RHD: variants seen among roughly 807,000 people sequenced by gnomAD.
The protein encoded by RHD is Rh blood group D antigen, also known as blood group Rh(D) polypeptide.
RHD carries 16 observed loss-of-function variants against 45.5 expected under a neutral mutation model. The ratio of observed to expected loss-of-function variants is 0.35; its 90% confidence interval spans 0.24 to 0.53. The LOEUF is 0.53. Ranked by LOEUF, RHD falls within the 20% of genes least tolerant of loss-of-function variation. The probability of loss-of-function intolerance (pLI) is 0.92; values close to 1 mark genes in which losing one functional copy is unlikely to be tolerated. For missense variants in RHD, 306 were observed against 532.0 expected, an observed-to-expected ratio of 0.58 and a Z score of 4.18; for synonymous variants, 131 against 217.5, an observed-to-expected ratio of 0.60 and a Z score of 3.50.
Position 25,289,840 on chromosome 1 carries a change from AT to A in RHD, c.336-800del, listed in dbSNP as rs1642339258. ...ATAAGTACATTTTTTTTTTTTTTGG[AT>A]CATAAGTATCTTCAAGACCAAAATA... On this transcript the variant is annotated intron_variant, in intron 2 of 9. Transcript: ENST00000328664. Among the ~76,000 whole-genome samples the A allele has an allele frequency of 2.6e-5, 3 of 114,446 alleles. No homozygotes were observed. In the East Asian group the frequency reaches 6.4e-4, roughly 24 times the overall value. The allele number at this position is 114,446 out of a possible 152,430, so 75.1% of individuals were successfully genotyped here.
intron 8 of RHD, among the ~76,000 whole-genome samples, chr1:25,320,033 G>A (rs548413424): frequency 7.6e-6 from 1 of 131,272 alleles, no homozygotes; most frequent in African/African-American, 2.6e-5. Context: ...CGAGTAGCTG[G>A]GATTACAGGC....
rs183302317 is a variant in RHD at position 25,273,014 on chromosome 1, C to T, written c.148+319C>T. The stretch of plus-strand genomic sequence containing the variant: ...TGCTTCTCTGCTTCCCCTTCTCTCT[C>T]CTCAGTGGCAAGGAATTTTTTTATT... On this transcript the variant is annotated intron_variant, in intron 1 of 9. Transcript: ENST00000328664. Among the ~76,000 whole-genome samples, 88 of 132,482 alleles carry T rather than the reference C, an allele frequency of 6.6e-4. 23 individuals are homozygous for T. The highest frequency in any genetic ancestry group is 1.5e-3 in the Non-Finnish European group (82 of 55,876). 86.9% of individuals were successfully genotyped at this position (132,482 alleles called of 152,430 possible).
chr1:25,284,377 C>G (rs1330795459), intron 1 of RHD, among the ~76,000 whole-genome samples, 196 bp from the exon 2 acceptor site: 1 of 135,608 alleles, frequency 7.4e-6, no homozygotes, highest in East Asian at 1.9e-4. Flanking sequence ...TATCTTATCC[C>G]CACACGGCAT....
At chr1:25,296,661 GT>G (rs1168490989) in intron 3 of RHD, among the ~76,000 whole-genome samples, 1 of 130,940 alleles carries the variant, frequency 7.6e-6, no homozygotes, top group Non-Finnish European at 1.8e-5. Flanking sequence ...CACAGGGGTG[GT>G]TTCCCCCATG....
intron 7 of RHD, among the ~76,000 whole-genome samples, chr1:25,316,058 A>G (rs28453868): frequency 0.93 from 120,291 of 129,662 alleles, 57,630 homozygotes; most frequent in East Asian, 1. Flanking sequence ...CTGGCTTGTT[A>G]TGTACAACTA....
In RHD at chr1:25,303,474, A is replaced by C; in HGVS notation, c.939+15A>C. Reference sequence around the variant, plus strand: ...AGTACCTGCCGGTAAGAAACTAGACAACTAACCTCCTCTGCTTTGGCTGAA... The same window carrying C: ...AGTACCTGCCGGTAAGAAACTAGACCACTAACCTCCTCTGCTTTGGCTGAA... On this transcript the variant is annotated intron_variant, in intron 6 of 9. Coordinates refer to ENST00000328664, the MANE Select transcript of RHD (RefSeq NM_016124.6). 1.5e-6 allele frequency: 2 copies of C among 1,378,370 alleles called. 1 individual carries two copies. The highest frequency in any genetic ancestry group is 2.0e-6 in the Non-Finnish European group (2 of 978,478). 85.4% of individuals were successfully genotyped at this position (1,378,370 alleles called of 1,614,324 possible). A position where few individuals can be genotyped will look rare whatever the true frequency, so the allele number is the denominator to read the frequency against.
At position 25,310,012 on chromosome 1, in the gene RHD, T is replaced by A. The variant is rs537401272; in HGVS notation, c.1073+3283T>A. Among the ~76,000 whole-genome samples the A allele has an allele frequency of 3.8e-5, 5 of 132,982 alleles. No homozygotes were observed. In the South Asian group the frequency reaches 1.2e-3, roughly 31 times the overall value. 87.2% of individuals were successfully genotyped at this position (132,982 alleles called of 152,430 possible). On this transcript the variant is annotated intron_variant, in intron 7 of 9. Coordinates refer to ENST00000328664, the MANE Select transcript of RHD (RefSeq NM_016124.6). Reference sequence around the variant, plus strand: ...CCCAAAAAACCCAACTTATATAGTATAAGCTATATCCAGAAAAGTGCAAAT... The same window carrying A: ...CCCAAAAAACCCAACTTATATAGTAAAAGCTATATCCAGAAAAGTGCAAAT...
At chr1:25,286,535 C>A (rs1321357477) in intron 2 of RHD, among the ~76,000 whole-genome samples, 3 of 134,836 alleles carry the variant, frequency 2.2e-5, no homozygotes, top group African/African-American at 5.1e-5. Flanking sequence ...GCCTGTAATC[C>A]CAGCACTTTG....
chr1:25,303,038 G>A (rs1463705960), intron 5 of RHD, among the ~76,000 whole-genome samples: 1 of 131,374 alleles, frequency 7.6e-6, no homozygotes, highest in Admixed American at 7.4e-5. Flanking sequence ...TAATGAGTGT[G>A]ATGGGTGCCT....
chr1:25,293,228 T>G (rs1571635876), intron 3 of RHD, among the ~76,000 whole-genome samples: 1 of 129,256 alleles, frequency 7.7e-6, no homozygotes, highest in African/African-American at 2.7e-5. Context: ...AATAATCCGA[T>G]AGAGAGGAAA....
chr1:25,308,494 A>C (rs2518077), intron 7 of RHD, among the ~76,000 whole-genome samples: 9 of 131,752 alleles, frequency 6.8e-5, no homozygotes, highest in African/African-American at 2.4e-4. Context: ...TTTTCTGGTA[A>C]AGGATTAACT....
intron 7 of RHD, among the ~76,000 whole-genome samples, chr1:25,309,580 G>T (rs141193172): frequency 0.017 from 2,232 of 131,766 alleles, 583 homozygotes; most frequent in Non-Finnish European, 0.027. Context: ...AATTTTAATA[G>T]CATCTCTGGA....
intron 7 of RHD, among the ~76,000 whole-genome samples, chr1:25,314,019 T>G (rs1179675246): frequency 7.5e-6 from 1 of 133,206 alleles, no homozygotes; most frequent in Admixed American, 7.3e-5. Context: ...GGAGCTATTA[T>G]GAATATTCTA....
At chr1:25,285,477 T>C (rs375667087) in intron 2 of RHD, among the ~76,000 whole-genome samples, 1 of 135,030 alleles carries the variant, frequency 7.4e-6, no homozygotes, top group African/African-American at 2.6e-5. Flanking sequence ...AGCCCCCTAA[T>C]GCTGCTAGAC....
intron 3 of RHD, among the ~76,000 whole-genome samples, chr1:25,291,023 C>A (rs113383254): frequency 7.7e-6 from 1 of 130,680 alleles, no homozygotes; most frequent in South Asian, 2.3e-4. Flanking sequence ...GTGGCATGCA[C>A]CTGTAGTCTC....
Position 25,328,999 on chromosome 1 carries a change from G to A in RHD, c.*75G>A, listed in dbSNP as rs750782245. 38 of 1,375,580 alleles carry A rather than the reference G, an allele frequency of 2.8e-5. 11 individuals are homozygous for A. The highest frequency in any genetic ancestry group is 9.0e-5 in the East Asian group (4 of 44,580). The allele number at this position is 1,375,580 out of a possible 1,614,324, so 85.2% of individuals were successfully genotyped here. ...CTCTCACTGTTGCCTGCATTTGTAC[G>A]TGAGAAACGCTCATGACAGCAAAGT... On this transcript the variant is annotated 3_prime_UTR_variant, in exon 10 of 10. Coordinates refer to ENST00000328664, the MANE Select transcript of RHD (RefSeq NM_016124.6).
chr1:25,309,360 C>G (rs1355258587), intron 7 of RHD, among the ~76,000 whole-genome samples: 3 of 131,276 alleles, frequency 2.3e-5, no homozygotes, highest in African/African-American at 7.9e-5. Context: ...CTGAGAATCT[C>G]TGCACCCTTC....
Position 25,303,407 on chromosome 1 carries a change from T to G in RHD, c.887T>G (p.Val296Gly), listed in dbSNP as rs1571677886. 7.3e-7 allele frequency: 1 copy of G among 1,378,810 alleles called. No homozygotes were observed. The highest frequency in any genetic ancestry group is 1.0e-6 in the Non-Finnish European group (1 of 978,748). The allele number at this position is 1,378,810 out of a possible 1,614,324, so 85.4% of individuals were successfully genotyped here. Residue 296 changes from valine to glycine, a missense_variant, in exon 6 of 10, where the codon GTG becomes GGG. By Grantham distance (109) the Val-to-Gly change is moderately radical. Coordinates refer to ENST00000328664, the MANE Select transcript of RHD (RefSeq NM_016124.6). ...HLIPSPWLAM[V>G]LGLVAGLISV... Reference sequence around the variant, plus strand: ...ATCCCTTCTCCGTGGCTTGCCATGGTGCTGGGTCTTGTGGCTGGGCTGATC... The same window carrying G: ...ATCCCTTCTCCGTGGCTTGCCATGGGGCTGGGTCTTGTGGCTGGGCTGATC...
At chr1:25,311,477 A>G (rs1644144177) in intron 7 of RHD, among the ~76,000 whole-genome samples, 1 of 130,286 alleles carries the variant, frequency 7.7e-6, no homozygotes, top group African/African-American at 2.6e-5. Context: ...GTGAGCCAAG[A>G]TCGCGCCACT....
Sources: gnomAD v4.1 joint callset for allele counts (sites outside exome capture counted in the v4.1 genomes callset) on GRCh38, gnomAD v4.1.1 for gene constraint, MANE v1.5 for transcripts, NCBI Gene and HGNC (gene_info 2026-07-23, HGNC 2026-07-21) for gene names.